Variants in ANO2 observed in about 807,000 individuals in gnomAD.
The protein encoded by ANO2 is anoctamin-2.
A neutral mutation model predicts 124.2 loss-of-function variants in ANO2; 101 were observed. The observed-to-expected ratio is 0.81, with a 90% CI of 0.69 to 0.96. The LOEUF is 0.96. Among genes scored for constraint, ANO2 ranks in the 40% least tolerant of loss-of-function variants. The pLI is 0.00. For missense variants in ANO2, 1,293 were observed against 1,274.5 expected (o/e 1.01, Z -0.22); for synonymous variants, 486 against 482.5 (o/e 1.01, Z -0.09).
At chr12:5,588,395 C>T (rs958226824) in intron 20 of ANO2, among the ~76,000 whole-genome samples, 6 of 152,226 alleles carry the variant, frequency 3.9e-5, no homozygotes, top group Non-Finnish European at 8.8e-5. Context: ...CAAGTTACTA[C>T]AGGTCTTGAA....
At chr12:5,910,295 T>G (rs1940965958) in intron 3 of ANO2, among the ~76,000 whole-genome samples, 1 of 152,220 alleles carries the variant, frequency 6.6e-6, no homozygotes, top group Non-Finnish European at 1.5e-5. Flanking sequence ...TTCTCGTGCC[T>G]CAGCCTCTGG....
chr12:5,931,066 G>A (rs567721552), intron 1 of ANO2, among the ~76,000 whole-genome samples: 4 of 152,066 alleles, frequency 2.6e-5, no homozygotes, highest in South Asian at 4.2e-4. Flanking sequence ...TCTCATCCTG[G>A]GCTCACACCA....
intron 18 of ANO2, 26 bp from the exon 19 acceptor site, chr12:5,612,782 C>A (rs370947936): frequency 1.2e-4 from 201 of 1,612,644 alleles, no homozygotes; most frequent in Non-Finnish European, 1.6e-4. Flanking sequence ...AAGGAAAGGA[C>A]CGGTTAGAAC....
At chr12:5,564,122 C>T (rs755897695) in intron 24 of ANO2, among the ~76,000 whole-genome samples, 1 of 152,190 alleles carries the variant, frequency 6.6e-6, no homozygotes, top group Non-Finnish European at 1.5e-5. Context: ...ACTGACCCAA[C>T]CCACTGCTGA....
chr12:5,863,616 T>C (rs911299996), intron 3 of ANO2, among the ~76,000 whole-genome samples: 1 of 152,204 alleles, frequency 6.6e-6, no homozygotes, highest in Non-Finnish European at 1.5e-5. Flanking sequence ...GATATGTTCA[T>C]TTTCTTGATT....
rs140762639 is a variant in ANO2, at chr12:5,921,586, C to T, written c.208-220G>A. Among the ~76,000 whole-genome samples the T allele has an allele frequency of 3.5e-4, 54 of 152,254 alleles. 1 individual carries two copies. The East Asian group carries it at 7.0e-3, about 20-fold the overall frequency. ...ACCCACCTGTTGACAGTCTGGGCAT[C>T]GGTGCCTTCACACATGCTCCAGCAT... is the stretch of plus-strand genomic sequence containing the variant. On this transcript the variant is annotated intron_variant, in intron 2 of 24. Coordinates refer to ENST00000682330, the MANE Select transcript of ANO2 (RefSeq NM_001364791.2).
chr12:5,855,001 A>T (rs1473778717), intron 3 of ANO2, among the ~76,000 whole-genome samples: 1 of 151,780 alleles, frequency 6.6e-6, no homozygotes, highest in Non-Finnish European at 1.5e-5. Context: ...AATTTAATTA[A>T]TTTTGTCACT....
intron 3 of ANO2, among the ~76,000 whole-genome samples, chr12:5,895,397 C>T (rs545682651): frequency 3.3e-5 from 5 of 152,008 alleles, no homozygotes; most frequent in African/African-American, 9.7e-5. Flanking sequence ...GGGGCTGAAA[C>T]GATGGGGTTT....
intron 4 of ANO2, chr12:5,836,711 ACCT>A (rs1167753923): frequency 1.3e-5 from 2 of 154,062 alleles, no homozygotes; most frequent in East Asian, 3.9e-4. Context: ...TATGGCTCCC[ACCT>A]CACCACCCCC....
At chr12:5,778,154 T>A (rs1269356645) in intron 10 of ANO2, among the ~76,000 whole-genome samples, 1 of 152,250 alleles carries the variant, frequency 6.6e-6, no homozygotes, top group Non-Finnish European at 1.5e-5. Context: ...CTAATAAGAC[T>A]AGTGTTATGT....
rs139909074 is a variant in ANO2 at position 5,647,860 on chromosome 12, G to C, written c.1546-59C>G. The C allele has an allele frequency of 1.4e-4, 183 of 1,288,154 alleles. No individual in the cohort carries two copies. The African/African-American group carries it at 2.5e-3, about 18-fold the overall frequency. 79.8% of individuals were successfully genotyped at this position (1,288,154 alleles called of 1,614,324 possible). On this transcript the variant is annotated intron_variant, in intron 14 of 24. Coordinates refer to ENST00000682330, the MANE Select transcript of ANO2 (RefSeq NM_001364791.2). ...AGGCACAAATAACAGATATTAATTT[G>C]CTCTCATTTGCATATATTTGCATGC...
At chr12:5,744,860 T>C (rs1414615095) in intron 11 of ANO2, among the ~76,000 whole-genome samples, 1 of 152,184 alleles carries the variant, frequency 6.6e-6, no homozygotes, top group African/African-American at 2.4e-5. Context: ...ACGGAGTAGA[T>C]CTGGGTGGAA....
chr12:5,807,666 C>G (rs71579285), intron 7 of ANO2, among the ~76,000 whole-genome samples: 4,330 of 152,322 alleles, frequency 0.028, 89 homozygotes, highest in South Asian at 0.071. Flanking sequence ...CCACCACCAT[C>G]AGGTGAGAAT....
At chr12:5,834,078 G>A (rs1954240995) in intron 4 of ANO2, among the ~76,000 whole-genome samples, 1 of 151,930 alleles carries the variant, frequency 6.6e-6, no homozygotes, top group Non-Finnish European at 1.5e-5. Context: ...GAACCCTCCC[G>A]TCCATCCCAC....
Position 5,862,633 on chromosome 12 carries a change from A to C in ANO2, c.535-8492T>G, listed in dbSNP as rs551388164. Among the ~76,000 whole-genome samples the C allele has an allele frequency of 6.6e-6, 1 of 152,090 alleles. No individual in the cohort carries two copies. The highest frequency in any genetic ancestry group is 2.1e-4 in the South Asian group (1 of 4,796). ...AGGGTCTGACTCTGTCCCTGCCCAA[A>C]TCTCATCTTGAATTGTAGCTCCCAT... On this transcript the variant is annotated intron_variant, in intron 3 of 24. Coordinates refer to ENST00000682330, the MANE Select transcript of ANO2 (RefSeq NM_001364791.2). The surrounding 1 kb of genome is among the most constrained non-coding windows in gnomAD (Gnocchi z 4.0).
chr12:5,739,246 G>C (rs1950995354), intron 13 of ANO2, 71 bp downstream of exon 13: 1 of 1,328,548 alleles, frequency 7.5e-7, no homozygotes, highest in Non-Finnish European at 1.1e-6. Context: ...TCACTCAAGA[G>C]AGTCCATTTC....
chr12:5,736,775 C>T (rs759591676), intron 13 of ANO2, among the ~76,000 whole-genome samples: 2 of 152,122 alleles, frequency 1.3e-5, no homozygotes, highest in African/African-American at 2.4e-5. Flanking sequence ...GAGCCCTGTC[C>T]CCTGAAGCCA....
chr12:5,699,525 C>T (rs935154327), intron 14 of ANO2, among the ~76,000 whole-genome samples: 2 of 152,086 alleles, frequency 1.3e-5, no homozygotes, highest in African/African-American at 4.8e-5. Flanking sequence ...TAGGAAGAAA[C>T]TGCATCAACT....
chr12:5,908,728 C>T lies in ANO2; in HGVS notation c.534+12312G>A, dbSNP rs866878516. Among the ~76,000 whole-genome samples, 38 of 152,176 alleles carry T rather than the reference C, an allele frequency of 2.5e-4. No homozygotes were observed. Among genetic ancestry groups the T allele is most frequent in the African/African-American group, 8.0e-4 (33 of 41,448 alleles). Reference sequence around the variant, plus strand: ...TGAGGCCTCCTAAGTGCATCTGTCCCGCTCAGCAGACAGTGACACAGCTAA... The same window carrying T: ...TGAGGCCTCCTAAGTGCATCTGTCCTGCTCAGCAGACAGTGACACAGCTAA... On this transcript the variant is annotated intron_variant, in intron 3 of 24. Transcript: ENST00000682330. This position sits in a 1 kb window ranked among gnomAD's most constrained non-coding sequence, Gnocchi z 4.7.
Sources: allele counts gnomAD v4.1 joint callset (sites outside exome capture counted in the v4.1 genomes callset), GRCh38; gene constraint gnomAD v4.1.1; non-coding constraint Gnocchi (gnomAD v3.1); transcripts MANE v1.5; gene names NCBI Gene and HGNC (gene_info 2026-07-23, HGNC 2026-07-21).